The following LRMDA variants were observed in gnomAD, a reference collection of about 807,000 sequenced individuals.
The protein encoded by LRMDA is leucine rich melanocyte differentiation associated.
LRMDA carries 18 observed loss-of-function variants against 29.8 expected under a neutral mutation model. The ratio of observed to expected loss-of-function variants is 0.60; its 90% confidence interval spans 0.42 to 0.90. The LOEUF is 0.90. Ranked by LOEUF, LRMDA falls within the 40% of genes least tolerant of loss-of-function variation. The pLI is 0.00. For missense variants in LRMDA, 273 were observed against 273.9 expected (o/e 1.00, Z 0.02); for synonymous variants, 125 against 109.4 (o/e 1.14, Z -0.89).
At chr10:76,504,458 G>A (rs1842940539) in intron 6 of LRMDA, among the ~76,000 whole-genome samples, 1 of 151,736 alleles carries the variant, frequency 6.6e-6, no homozygotes, top group Non-Finnish European at 1.5e-5. Context: ...TTATTGTGTG[G>A]GTCTTCTTGT....
At chr10:76,186,224 G>C (rs2132215370) in intron 5 of LRMDA, among the ~76,000 whole-genome samples, 1 of 152,292 alleles carries the variant, frequency 6.6e-6, no homozygotes, top group South Asian at 2.1e-4. Flanking sequence ...GTGCCAGATG[G>C]GCGGCCTGGA....
intron 6 of LRMDA, among the ~76,000 whole-genome samples, chr10:76,353,576 G>C (rs1247475337): frequency 6.6e-6 from 1 of 152,058 alleles, no homozygotes; most frequent in African/African-American, 2.4e-5. Context: ...TACAATCAGG[G>C]GAGACATAGC....
intron 2 of LRMDA, among the ~76,000 whole-genome samples, chr10:75,949,895 G>A (rs1056092388): frequency 6.6e-6 from 1 of 152,190 alleles, no homozygotes; most frequent in East Asian, 1.9e-4. Flanking sequence ...GGCATGAAGT[G>A]TGGATACTAC....
intron 2 of LRMDA, among the ~76,000 whole-genome samples, chr10:75,960,202 T>C (rs1462044551): frequency 1.3e-5 from 2 of 152,238 alleles, no homozygotes; most frequent in Admixed American, 6.5e-5. Context: ...ATCAGAGCTC[T>C]AGAGCTAATT....
intron 2 of LRMDA, among the ~76,000 whole-genome samples, chr10:75,958,889 T>C (rs1846712241): frequency 6.6e-6 from 1 of 152,080 alleles, no homozygotes; most frequent in Admixed American, 6.6e-5. Flanking sequence ...TGGTGGCAGA[T>C]GAGAGAAATG....
chr10:75,460,054 A>G (rs1218974104), intron 2 of LRMDA, among the ~76,000 whole-genome samples: 1 of 152,254 alleles, frequency 6.6e-6, no homozygotes, highest in Non-Finnish European at 1.5e-5. Context: ...GCAGTTTTAT[A>G]CTGGCCCCAG....
intron 2 of LRMDA, among the ~76,000 whole-genome samples, chr10:75,736,282 A>C (rs1842761383): frequency 1.3e-5 from 2 of 152,234 alleles, no homozygotes; most frequent in South Asian, 4.1e-4. Context: ...CAGTGGCCTA[A>C]TAATGCAACA....
chr10:75,665,258 A>G (rs972301725), intron 2 of LRMDA, among the ~76,000 whole-genome samples: 1 of 152,126 alleles, frequency 6.6e-6, no homozygotes, highest in African/African-American at 2.4e-5. Context: ...AGATCTCTTT[A>G]CAGATGAGGA....
intron 4 of LRMDA, among the ~76,000 whole-genome samples, chr10:76,057,986 T>C (rs2132053917): frequency 6.6e-6 from 1 of 152,278 alleles, no homozygotes; most frequent in East Asian, 1.9e-4. Context: ...ATTTCTGGAG[T>C]CCATCTGCCA....
chr10:75,979,831 G>A (rs1047962570), intron 2 of LRMDA, among the ~76,000 whole-genome samples: 1 of 152,098 alleles, frequency 6.6e-6, no homozygotes, highest in Non-Finnish European at 1.5e-5. Context: ...CTGTGTTCCT[G>A]CAGGACACAA....
At chr10:76,296,476 C>T (rs1840413582) in intron 5 of LRMDA, among the ~76,000 whole-genome samples, 1 of 152,180 alleles carries the variant, frequency 6.6e-6, no homozygotes, top group Admixed American at 6.5e-5. Context: ...ACTCCTTCAC[C>T]AAACCCAACT....
intron 2 of LRMDA, among the ~76,000 whole-genome samples, chr10:76,005,211 A>T (rs1847629284): frequency 6.6e-6 from 1 of 152,088 alleles, no homozygotes; most frequent in South Asian, 2.1e-4. Context: ...CTCTGTATGT[A>T]TTACTGTACT....
At chr10:75,918,596 T>C (rs1845973708) in intron 2 of LRMDA, among the ~76,000 whole-genome samples, 1 of 152,142 alleles carries the variant, frequency 6.6e-6, no homozygotes, top group African/African-American at 2.4e-5. Context: ...CCACCTTTAA[T>C]ATTAGGGATT....
chr10:76,119,621 G>T lies in LRMDA; in HGVS notation c.516+60838G>T, dbSNP rs557221817. Among the ~76,000 whole-genome samples, 3 of 152,220 alleles carry T rather than the reference G, an allele frequency of 2.0e-5. No homozygotes were observed. In the South Asian group the frequency reaches 6.2e-4, roughly 32 times the overall value. ...TCACTTTCTGGGGAAGTACATTCAT[G>T]TTCCTCCTTCCATCAGAGGACAGTC... On this transcript the variant is annotated intron_variant, in intron 5 of 6. Coordinates refer to ENST00000611255, the MANE Select transcript of LRMDA (RefSeq NM_001305581.2).
At chr10:75,998,197 C>A (rs550605126) in intron 2 of LRMDA, among the ~76,000 whole-genome samples, 3 of 152,170 alleles carry the variant, frequency 2.0e-5, no homozygotes, top group African/African-American at 7.2e-5. Flanking sequence ...CATGACAAAC[C>A]TCTAGTCTGC....
intron 2 of LRMDA, among the ~76,000 whole-genome samples, chr10:75,945,900 T>G (rs1434694084): frequency 1.3e-5 from 2 of 152,166 alleles, no homozygotes; most frequent in African/African-American, 4.8e-5. Context: ...GGGATGTGAC[T>G]TCTCTGAGGC....
At chr10:76,096,141 C>A (rs7089738) in intron 5 of LRMDA, among the ~76,000 whole-genome samples, 72,150 of 151,846 alleles carry the variant, frequency 0.48, 17,531 homozygotes, top group African/African-American at 0.51. Flanking sequence ...ACTTTATCAA[C>A]ATTTTTCTTT....
intron 5 of LRMDA, among the ~76,000 whole-genome samples, chr10:76,124,157 A>G (rs1849838319): frequency 6.6e-6 from 1 of 152,170 alleles, no homozygotes; most frequent in Non-Finnish European, 1.5e-5. Flanking sequence ...CATCGGTATC[A>G]AGTACTAAGT....
chr10:76,048,251 C>T (rs1848473896), intron 4 of LRMDA, among the ~76,000 whole-genome samples: 1 of 152,092 alleles, frequency 6.6e-6, no homozygotes, highest in South Asian at 2.1e-4. Context: ...CACATTCATG[C>T]ACTTGTTCAT....
Sources: allele counts gnomAD v4.1 joint callset (sites outside exome capture counted in the v4.1 genomes callset), GRCh38; gene constraint gnomAD v4.1.1; transcripts MANE v1.5; gene names NCBI Gene and HGNC (gene_info 2026-07-23, HGNC 2026-07-21).